The following GABRA3 variants were observed in gnomAD, a reference collection of about 807,000 sequenced individuals.
The protein encoded by GABRA3 is gamma-aminobutyric acid receptor subunit alpha-3.
In GABRA3, 10 loss-of-function variants were observed where a neutral mutation model predicts 30.1. The ratio of observed to expected loss-of-function variants is 0.33; its 90% CI spans 0.20 to 0.56. The LOEUF (loss-of-function observed/expected upper bound fraction) is 0.56. Ranked by LOEUF, GABRA3 falls within the 20% of genes least tolerant of loss-of-function variation. GABRA3 has a pLI of 0.89. For missense variants in GABRA3, 233 were observed against 392.0 expected (o/e 0.59, Z 3.42); for synonymous variants, 151 against 146.8 (o/e 1.03, Z -0.21).
chrX:152,248,988 TC>T (rs902803970), intron 5 of GABRA3, among the ~76,000 whole-genome samples: 4 of 111,678 alleles, frequency 3.6e-5, no homozygotes, highest in Non-Finnish European at 5.7e-5. Context: ...CAATAATGCT[TC>T]CCTGTAACTA....
At chrX:152,189,282 T>C (rs955941068) in intron 9 of GABRA3, among the ~76,000 whole-genome samples, 5 of 111,946 alleles carry the variant, frequency 4.5e-5, no homozygotes, top group African/African-American at 9.7e-5. Flanking sequence ...TTAACAGGCA[T>C]GGGAAAAAAC....
chrX:152,301,383 G>A (rs1423617386), intron 3 of GABRA3, among the ~76,000 whole-genome samples: 4 of 111,885 alleles, frequency 3.6e-5, no homozygotes, highest in Non-Finnish European at 7.5e-5. Flanking sequence ...TTGGGCTCAA[G>A]AGAAATAATG....
chrX:152,235,174 A>C (rs1219994376), intron 5 of GABRA3, among the ~76,000 whole-genome samples: 2 of 111,297 alleles, frequency 1.8e-5, no homozygotes, highest in African/African-American at 3.3e-5. Context: ...CGTTGTTGAG[A>C]TCTTTCACCT....
At chrX:152,311,893 G>A (rs750971286) in intron 3 of GABRA3, among the ~76,000 whole-genome samples, 1 of 110,153 alleles carries the variant, frequency 9.1e-6, no homozygotes. Flanking sequence ...ACAAATTTCA[G>A]TAGTATTTCC....
chrX:152,241,429 A>C (rs1357054807), intron 5 of GABRA3, among the ~76,000 whole-genome samples: 3 of 104,955 alleles, frequency 2.9e-5, no homozygotes, highest in African/African-American at 6.7e-5. Flanking sequence ...AGGGACACTT[A>C]AGTCTGCAGA....
intron 4 of GABRA3, among the ~76,000 whole-genome samples, chrX:152,261,332 C>T (rs754985061): frequency 9.0e-6 from 1 of 111,513 alleles, no homozygotes; most frequent in East Asian, 2.8e-4. Context: ...CAACAGTTCC[C>T]CAAATTCTTA....
At chrX:152,324,253 T>A (rs184499575) in intron 3 of GABRA3, among the ~76,000 whole-genome samples, 1 of 112,326 alleles carries the variant, frequency 8.9e-6, no homozygotes, top group Non-Finnish European at 1.9e-5. Context: ...AATACTTTCT[T>A]TATTAAGGCT....
chrX:152,291,821 T>C (rs757233880), intron 3 of GABRA3, among the ~76,000 whole-genome samples: 36 of 112,010 alleles, frequency 3.2e-4, no homozygotes, highest in African/African-American at 1.1e-3. Flanking sequence ...TGTTTATTGA[T>C]TTGCATATGT....
intron 2 of GABRA3, among the ~76,000 whole-genome samples, chrX:152,350,059 A>C (rs1336496084): frequency 1.1e-5 from 1 of 90,330 alleles, no homozygotes; most frequent in African/African-American, 4.4e-5. Context: ...GTTGGAAGTA[A>C]AGCTCTCCTC....
At chrX:152,289,331 G>A (rs1939354293) in intron 3 of GABRA3, among the ~76,000 whole-genome samples, 1 of 109,091 alleles carries the variant, frequency 9.2e-6, no homozygotes, top group Admixed American at 1.0e-4. Flanking sequence ...AACAAAGTCT[G>A]CTTTCTCTTC....
intron 9 of GABRA3, among the ~76,000 whole-genome samples, chrX:152,188,107 G>A (rs1305027151): frequency 9.0e-6 from 1 of 111,138 alleles, no homozygotes; most frequent in Non-Finnish European, 1.9e-5. Flanking sequence ...GAAGGAGGGA[G>A]AGGATCATTA....
rs143728881 is a variant in GABRA3, at chrX:152,308,314, G to A, written c.263-23579C>T. ...GGCATGCATGTGGACCCAACTGACC[G>A]GCTGCCCTTCTGCTGCTGGCATGCA... On this transcript the variant is annotated intron_variant, in intron 3 of 9. Transcript: ENST00000370314. 9.5e-3 allele frequency among the ~76,000 whole-genome samples: 1,073 copies of A among 112,593 alleles called. 20 individuals carry two copies. Among genetic ancestry groups the A allele is most frequent in the African/African-American group, 0.033 (1,012 of 31,074 alleles).
intron 3 of GABRA3, among the ~76,000 whole-genome samples, chrX:152,318,708 G>T (rs1013565905): frequency 5.4e-4 from 60 of 111,663 alleles, no homozygotes; most frequent in African/African-American, 2.0e-3. Context: ...CACATAAACA[G>T]AATTAAAAAC....
chrX:152,209,996 C>CT (rs1019784144), intron 6 of GABRA3, among the ~76,000 whole-genome samples: 2 of 112,062 alleles, frequency 1.8e-5, no homozygotes, highest in African/African-American at 3.2e-5. Context: ...AATTAATAGA[C>CT]TTTTTTTTAC....
At chrX:152,189,395 A>G (rs113205440) in intron 9 of GABRA3, among the ~76,000 whole-genome samples, 201 of 111,974 alleles carry the variant, frequency 1.8e-3, no homozygotes, top group African/African-American at 6.2e-3. Flanking sequence ...AGGGGCAGAG[A>G]TGGCCTTAGA....
intron 3 of GABRA3, among the ~76,000 whole-genome samples, chrX:152,345,009 A>G (rs1020366883): frequency 8.9e-6 from 1 of 111,953 alleles, no homozygotes; most frequent in Non-Finnish European, 1.9e-5. Context: ...TGCTGATTAT[A>G]CTAAACTGAT....
chrX:152,303,883 C>T (rs754942488), intron 3 of GABRA3, among the ~76,000 whole-genome samples: 4 of 110,994 alleles, frequency 3.6e-5, no homozygotes, highest in East Asian at 5.7e-4. Context: ...ACCTAGATGA[C>T]GGGTTGATAA....
At chrX:152,182,653 C>CATATATATGT (rs373015912) in intron 9 of GABRA3, among the ~76,000 whole-genome samples, 25 of 8,617 alleles carry the variant, frequency 2.9e-3, no homozygotes, top group African/African-American at 0.012. Flanking sequence ...ACTATATATA[C>CATATATATGT]ATATATAGTG....
At chrX:152,286,951 C>G (rs945801742) in intron 3 of GABRA3, among the ~76,000 whole-genome samples, 1 of 111,432 alleles carries the variant, frequency 9.0e-6, no homozygotes, top group East Asian at 2.8e-4. Flanking sequence ...GGAGAAGAGA[C>G]AAAACTTCAG....
Sources: gnomAD v4.1 joint callset for allele counts (sites outside exome capture counted in the v4.1 genomes callset) on GRCh38, gnomAD v4.1.1 for gene constraint, MANE v1.5 for transcripts, NCBI Gene and HGNC (gene_info 2026-07-23, HGNC 2026-07-21) for gene names.